ZC3H7B: variants seen among roughly 807,000 people sequenced by gnomAD.
ZC3H7B encodes the protein zinc finger CCCH-type containing 7B.
In ZC3H7B, 35 loss-of-function variants were observed where a neutral mutation model predicts 116.0. That is an observed-to-expected ratio of 0.30 (90% CI 0.23 to 0.40). The LOEUF (loss-of-function observed/expected upper bound fraction) is 0.40. ZC3H7B is among the 10% of genes least tolerant of loss of function. The pLI is 1.00. For missense variants in ZC3H7B, 1,011 were observed against 1,321.5 expected (o/e 0.77, Z 3.64); for synonymous variants, 502 against 545.6 (o/e 0.92, Z 1.11).
chr22:41,336,127 G>A (rs1392007106), intron 7 of ZC3H7B: 1 of 152,412 alleles, frequency 6.6e-6, no homozygotes, highest in African/African-American at 2.4e-5. Flanking sequence ...AGAAAAAGGG[G>A]AGGGTGTTCA....
chr22:41,357,815 T>C lies in ZC3H7B; in HGVS notation c.*386T>C, dbSNP rs1235805632. 3.7e-6 allele frequency: 1 copy of C among 271,278 alleles called. No homozygotes were observed. Among genetic ancestry groups the C allele is most frequent in the Non-Finnish European group, 7.2e-6 (1 of 139,722 alleles). 16.8% of individuals were successfully genotyped at this position (271,278 alleles called of 1,614,324 possible). A position where few individuals can be genotyped will look rare whatever the true frequency, so the allele number is the denominator to read the frequency against. On this transcript the variant is annotated 3_prime_UTR_variant, in exon 23 of 23. Transcript: ENST00000352645. This position sits in a 1 kb window ranked among gnomAD's most constrained non-coding sequence, Gnocchi z 5.4. ...ACTTGAATCTCCAGCAGGAGGGTCC[T>C]TCTCTCCCTGGCCCGTCCTCCTCCC...
chr22:41,313,168 GAGTGCAGTGGCGCGATATC>G (rs1270240109), intron 1 of ZC3H7B, among the ~76,000 whole-genome samples: 8 of 145,328 alleles, frequency 5.5e-5, no homozygotes, highest in Non-Finnish European at 1.1e-4. Context: ...GCCCAGGCTG[GAGTGCAGTGGCGCGATATC>G]AGCTCACTAC....
At chr22:41,317,712 A>T (rs1473403563) in intron 1 of ZC3H7B, among the ~76,000 whole-genome samples, 1 of 152,120 alleles carries the variant, frequency 6.6e-6, no homozygotes. Flanking sequence ...TGAGCCCAGG[A>T]GATGGAGGCT....
chr22:41,316,894 GTGCAGTGGCACAATCT>G (rs1283973888), intron 1 of ZC3H7B, among the ~76,000 whole-genome samples: 1 of 152,056 alleles, frequency 6.6e-6, no homozygotes, highest in African/African-American at 2.4e-5. Context: ...CCAGGCTGGG[GTGCAGTGGCACAATCT>G]TCGCTCACTA....
chr22:41,337,588 G>C (rs916968305), intron 7 of ZC3H7B, among the ~76,000 whole-genome samples: 1 of 152,178 alleles, frequency 6.6e-6, no homozygotes, highest in Non-Finnish European at 1.5e-5. Context: ...CGTGGGAGAG[G>C]AGAGCCTGGG....
chr22:41,350,942 A>T (rs2036646738), intron 16 of ZC3H7B, among the ~76,000 whole-genome samples: 1 of 152,182 alleles, frequency 6.6e-6, no homozygotes, highest in Non-Finnish European at 1.5e-5. Flanking sequence ...CGTGAGAAAG[A>T]TGGAGAGCGC....
chr22:41,343,343 C>A (rs1184394107), intron 12 of ZC3H7B, 72 bp from the exon 13 acceptor site: 4 of 1,543,538 alleles, frequency 2.6e-6, no homozygotes, highest in South Asian at 1.2e-5. Flanking sequence ...TCCTACCCAC[C>A]GCATGGGCCT....
chr22:41,342,698 G>C (rs966688877), intron 12 of ZC3H7B, 70 bp downstream of exon 12: 2 of 1,410,422 alleles, frequency 1.4e-6, no homozygotes, highest in Non-Finnish European at 1.9e-6. Context: ...TGGGATCCCA[G>C]ATCAAAAGAA....
intron 22 of ZC3H7B, 52 bp downstream of exon 22, chr22:41,356,860 G>A: frequency 1.2e-6 from 2 of 1,607,348 alleles, no homozygotes; most frequent in Non-Finnish European, 1.7e-6. Flanking sequence ...CCGAGGAGAT[G>A]GAGTCCGTGG....
chr22:41,306,853 C>G (rs1028675354), intron 1 of ZC3H7B, among the ~76,000 whole-genome samples: 2 of 152,078 alleles, frequency 1.3e-5, no homozygotes, highest in African/African-American at 4.8e-5. Flanking sequence ...TCAGGGGAGA[C>G]CTGAGGTTAT....
At chr22:41,344,654 C>T (rs922594147) in intron 13 of ZC3H7B, among the ~76,000 whole-genome samples, 1 of 152,128 alleles carries the variant, frequency 6.6e-6, no homozygotes, top group Admixed American at 6.6e-5. Flanking sequence ...TGTCCTTGTG[C>T]GCCAAGAGCC....
At position 41,339,231 on chromosome 22, in the gene ZC3H7B, C is replaced by G. The variant is rs571502262; in HGVS notation, c.816+40C>G. 243 of 1,558,984 alleles carry G rather than the reference C, an allele frequency of 1.6e-4. 3 individuals carry two copies. The South Asian group carries it at 2.8e-3, about 18-fold the overall frequency. On this transcript the variant is annotated intron_variant, in intron 9 of 22. Transcript: ENST00000352645. ...CCTCCTTGTGCTCCCCTGATCCCCT[C>G]TCCCCGCTGTGTCCCCATTGTCCCA...
At chr22:41,320,604 C>T (rs373352434) in intron 1 of ZC3H7B, 51 bp from the exon 2 acceptor site, 13 of 1,606,978 alleles carry the variant, frequency 8.1e-6, no homozygotes, top group Middle Eastern at 3.3e-4. Flanking sequence ...TGGTGGCTGA[C>T]GGCAGCCTGG....
Position 41,339,035 on chromosome 22 carries a change from T to C in ZC3H7B, c.660T>C (p.Leu220=). The C allele has an allele frequency of 6.2e-6, 10 of 1,604,614 alleles. 1 individual carries two copies. The highest frequency in any genetic ancestry group is 8.5e-6 in the Non-Finnish European group (10 of 1,174,490). ...CYVDPRGSPA[L]LPSTPTMPLF... is the part of the protein sequence containing the mutation. ...TGGACCCTCGAGGCTCCCCAGCCCT[T>C]CTCCCCTCCACGCCCACGATGCCCC... Residue 220 remains leucine, a synonymous_variant, in exon 9 of 23, where the codon CTT becomes CTC. Transcript: ENST00000352645.
At chr22:41,356,125 A>G (rs2036713467) in intron 20 of ZC3H7B, 63 bp downstream of exon 20, 16 of 1,482,576 alleles carry the variant, frequency 1.1e-5, no homozygotes, top group South Asian at 8.1e-5. Flanking sequence ...GAATGTCTCA[A>G]TTCACCAGCG....
At chr22:41,352,728 C>G (rs1056005627) in intron 17 of ZC3H7B, among the ~76,000 whole-genome samples, 10 of 151,692 alleles carry the variant, frequency 6.6e-5, no homozygotes, top group African/African-American at 1.9e-4. Flanking sequence ...CGCTGTTGCA[C>G]TCCAGCTAGG....
chr22:41,353,331 G>A (rs778205858), intron 17 of ZC3H7B, among the ~76,000 whole-genome samples: 4 of 152,162 alleles, frequency 2.6e-5, no homozygotes, highest in Admixed American at 1.3e-4. Flanking sequence ...CGTCCTGTCC[G>A]GGGCTCGCTC....
chr22:41,341,738 G>A (rs1219924731), intron 11 of ZC3H7B, among the ~76,000 whole-genome samples: 12 of 150,216 alleles, frequency 8.0e-5, no homozygotes, highest in African/African-American at 1.2e-4. Context: ...GCGAGACTCC[G>A]TCTCAAAAAA....
At chr22:41,336,391 C>T (rs1370758691) in intron 7 of ZC3H7B, 1 of 152,090 alleles carries the variant, frequency 6.6e-6, no homozygotes, top group Admixed American at 6.5e-5. Flanking sequence ...TAGCTGGGCG[C>T]GGTGGCTCAC....
Sources: allele counts gnomAD v4.1 joint callset (sites outside exome capture counted in the v4.1 genomes callset), GRCh38; gene constraint gnomAD v4.1.1; non-coding constraint Gnocchi (gnomAD v3.1); transcripts MANE v1.5; gene names NCBI Gene and HGNC (gene_info 2026-07-23, HGNC 2026-07-21).